LRRC7: variants seen among roughly 807,000 people sequenced by gnomAD.
LRRC7 encodes the protein leucine-rich repeat-containing protein 7.
A neutral mutation model predicts 175.7 loss-of-function variants in LRRC7; 23 were observed. The observed-to-expected ratio is 0.13, with a 90% CI of 0.09 to 0.19. The LOEUF (loss-of-function observed/expected upper bound fraction) is 0.19, where lower values mean the gene tolerates loss of function less well. Ranked by LOEUF, LRRC7 falls within the 10% of genes least tolerant of loss-of-function variation. The probability of loss-of-function intolerance (pLI) is 1.00; values close to 1 mark genes in which losing one functional copy is unlikely to be tolerated. For missense variants in LRRC7, 1,354 were observed against 1,904.7 expected (o/e 0.71, Z 5.38); for synonymous variants, 685 against 680.9 (o/e 1.01, Z -0.09).
chr1:70,024,279 G>A (rs535544482), intron 17 of LRRC7, among the ~76,000 whole-genome samples: 1 of 151,158 alleles, frequency 6.6e-6, no homozygotes, highest in East Asian at 1.9e-4. Context: ...TGATCATGAT[G>A]TGAAATATAT....
chr1:69,775,844 A>G (rs1569729403), intron 3 of LRRC7, among the ~76,000 whole-genome samples: 1 of 152,206 alleles, frequency 6.6e-6, no homozygotes, highest in East Asian at 1.9e-4. Context: ...AAAGTTTAAG[A>G]GACCCTGGAC....
At chr1:69,787,083 A>G (rs1674531452) in intron 3 of LRRC7, among the ~76,000 whole-genome samples, 2 of 152,252 alleles carry the variant, frequency 1.3e-5, no homozygotes, top group African/African-American at 4.8e-5. Flanking sequence ...GAAATTGGCC[A>G]AAACAAAGGG....
At chr1:69,692,340 G>C (rs909126810) in intron 2 of LRRC7, among the ~76,000 whole-genome samples, 1 of 152,130 alleles carries the variant, frequency 6.6e-6, no homozygotes, top group Admixed American at 6.5e-5. Context: ...AGAGTATTGG[G>C]GAAATCCCTC....
At chr1:69,803,258 G>C (rs141356698) in intron 4 of LRRC7, among the ~76,000 whole-genome samples, 1 of 151,110 alleles carries the variant, frequency 6.6e-6, no homozygotes, top group African/African-American at 2.4e-5. Flanking sequence ...GAATTCTTCC[G>C]CAAGAATATT....
chr1:70,038,340 G>A lies in LRRC7; in HGVS notation c.2516G>A (p.Ser839Asn). The change falls in exon 21 of 27, where the codon AGC (serine) becomes AAC (asparagine). Residue 839 changes from serine (S) to asparagine (N), a missense_variant. By Grantham distance (46) the Ser-to-Asn change is conservative (BLOSUM62 1). Transcript: ENST00000651989. ...SNPLLSSKSRSTSSHGRRPLI... is the reference protein window; with the variant it reads ...SNPLLSSKSRNTSSHGRRPLI... ...CCTCTCTTAAGTTCGAAATCTAGAA[G>A]CACATCTTCGCATGGACGCAGGCCT... 2 of 1,614,130 alleles carry A rather than the reference G, an allele frequency of 1.2e-6. No homozygotes were observed. The highest frequency in any genetic ancestry group is 1.7e-5 in the Admixed American group (1 of 60,024).
intron 1 of LRRC7, among the ~76,000 whole-genome samples, chr1:69,578,458 C>G: frequency 2.1e-5 from 3 of 145,862 alleles, no homozygotes; most frequent in Admixed American, 6.9e-5. Context: ...ACCCAAAGGA[C>G]TATAAATCAT....
chr1:70,081,337 G>A (rs1055247921), intron 24 of LRRC7, among the ~76,000 whole-genome samples: 3 of 152,300 alleles, frequency 2.0e-5, no homozygotes, highest in Admixed American at 6.5e-5. Flanking sequence ...ACAAGACACA[G>A]TATATTTAAA....
chr1:69,626,579 T>G (rs975751260), intron 1 of LRRC7, among the ~76,000 whole-genome samples: 1 of 151,978 alleles, frequency 6.6e-6, no homozygotes, highest in African/African-American at 2.4e-5. Context: ...ATTATTATTA[T>G]TATACTATAA....
At chr1:70,020,048 TAG>T (rs932144827) in intron 15 of LRRC7, among the ~76,000 whole-genome samples, 8 of 152,006 alleles carry the variant, frequency 5.3e-5, no homozygotes, top group African/African-American at 1.9e-4. Context: ...GGAATTAGCC[TAG>T]CTGAGTTTGC....
Position 70,100,901 on chromosome 1 carries a change from G to A in LRRC7, c.4546-6851G>A, listed in dbSNP as rs148584387. Reference sequence around the variant, plus strand: ...GCTAAGGTAGCAAATTATTCAAAGCGTAAAACTTGATGCATAGCAATTAAC... The same window carrying A: ...GCTAAGGTAGCAAATTATTCAAAGCATAAAACTTGATGCATAGCAATTAAC... On this transcript the variant is annotated intron_variant, in intron 25 of 26. Transcript: ENST00000651989. 5.6e-3 allele frequency among the ~76,000 whole-genome samples: 857 copies of A among 152,106 alleles called. 6 individuals carry two copies. The highest frequency in any genetic ancestry group is 0.034 in the South Asian group (166 of 4,816).
chr1:69,847,956 C>T (rs868073970), intron 7 of LRRC7, among the ~76,000 whole-genome samples: 2 of 152,136 alleles, frequency 1.3e-5, no homozygotes, highest in South Asian at 4.1e-4. Context: ...TGCCTCCCAA[C>T]ACTTTCACAA....
chr1:70,015,267 T>C (rs1656866768), intron 13 of LRRC7, among the ~76,000 whole-genome samples: 1 of 152,088 alleles, frequency 6.6e-6, no homozygotes, highest in African/African-American at 2.4e-5. Context: ...TCTAAAGTTA[T>C]CTATATAATG....
intron 8 of LRRC7, among the ~76,000 whole-genome samples, chr1:69,955,840 T>C (rs1473642506): frequency 1.3e-5 from 2 of 151,942 alleles, no homozygotes; most frequent in Non-Finnish European, 2.9e-5. Context: ...ATAATTTTAC[T>C]AAATTACACA....
At chr1:69,641,936 G>A (rs1334692214) in intron 1 of LRRC7, among the ~76,000 whole-genome samples, 2 of 151,746 alleles carry the variant, frequency 1.3e-5, no homozygotes, top group African/African-American at 4.8e-5. Context: ...AAAGTTTTAA[G>A]TTGAATAAAG....
Position 69,960,104 on chromosome 1 carries a change from C to T in LRRC7, c.712-20275C>T, listed in dbSNP as rs1023319826. On this transcript the variant is annotated intron_variant, in intron 8 of 26. Transcript: ENST00000651989. ...CATGTGGTAGAATTCAGCTGTGAAT[C>T]CGTCTGGTCCTGGGTTTTGGGGGTT... Among the ~76,000 whole-genome samples the T allele has an allele frequency of 1.3e-5, 2 of 151,998 alleles. 1 individual carries two copies. The highest frequency in any genetic ancestry group is 4.8e-5 in the African/African-American group (2 of 41,374).
chr1:69,911,094 G>A (rs925624630), intron 7 of LRRC7, among the ~76,000 whole-genome samples: 36 of 152,152 alleles, frequency 2.4e-4, no homozygotes, highest in Non-Finnish European at 4.3e-4. Context: ...TCCAGGTGCC[G>A]TCTGTCACCC....
intron 7 of LRRC7, among the ~76,000 whole-genome samples, chr1:69,843,872 T>C (rs1293175480): frequency 6.6e-6 from 1 of 152,100 alleles, no homozygotes; most frequent in Non-Finnish European, 1.5e-5. Context: ...CTAAAATAAA[T>C]ATCATTCTGA....
intron 26 of LRRC7, among the ~76,000 whole-genome samples, chr1:70,121,558 C>T (rs369287598): frequency 2.0e-5 from 3 of 152,012 alleles, no homozygotes; most frequent in African/African-American, 7.2e-5. Context: ...ATGATTAGCA[C>T]AGTGGCAAAG....
At chr1:69,601,180 G>T (rs865911328) in intron 1 of LRRC7, among the ~76,000 whole-genome samples, 1 of 152,086 alleles carries the variant, frequency 6.6e-6, no homozygotes, top group Non-Finnish European at 1.5e-5. Context: ...GTACTATTGC[G>T]GTAAGAGTGT....
Sources: allele counts gnomAD v4.1 joint callset (sites outside exome capture counted in the v4.1 genomes callset), GRCh38; gene constraint gnomAD v4.1.1; transcripts MANE v1.5; gene names NCBI Gene and HGNC (gene_info 2026-07-23, HGNC 2026-07-21).